Variants in LRP2 observed in about 807,000 individuals in gnomAD.
LRP2 encodes the protein LDL receptor related protein 2.
LRP2 carries 172 observed loss-of-function variants against 531.0 expected under a neutral mutation model. The observed-to-expected ratio is 0.32, with a 90% CI of 0.29 to 0.37. The LOEUF (loss-of-function observed/expected upper bound fraction) is 0.37. Among genes scored for constraint, LRP2 ranks in the 10% least tolerant of loss-of-function variants. The pLI is 1.00. For missense variants in LRP2, 5,167 were observed against 5,868.3 expected (o/e 0.88, Z 3.90); for synonymous variants, 1,992 against 2,027.6 (o/e 0.98, Z 0.47).
rs777516611 is a variant in LRP2, at chr2:169,202,888, T to G, written c.8077A>C (p.Ile2693Leu). Residue 2693 changes from isoleucine to leucine, a missense_variant, in exon 43 of 79, where the codon ATT becomes CTT. Physicochemically the swap from Ile to Leu is conservative, Grantham distance 5. Coordinates refer to ENST00000649046, the MANE Select transcript of LRP2 (RefSeq NM_004525.3). ...CCACATCGTTCACCATTGTCCACAA[T>G]GCAGTGCTTCCTGTTGTTGGCCAAA... The part of the protein sequence containing the change: ...WYLANNRKHC[I>L]VDNGERCGAS... 3 of 1,612,658 alleles carry G rather than the reference T, an allele frequency of 1.9e-6. No homozygotes were observed. The highest frequency in any genetic ancestry group is 1.1e-5 in the South Asian group (1 of 90,990).
chr2:169,136,709 T>C (rs1016171660), intron 76 of LRP2, among the ~76,000 whole-genome samples: 1 of 144,808 alleles, frequency 6.9e-6, no homozygotes, highest in Non-Finnish European at 1.5e-5. Context: ...TACCCAAATC[T>C]TATAAAACGG....
intron 9 of LRP2, among the ~76,000 whole-genome samples, chr2:169,284,954 A>T (rs1321436338): frequency 6.6e-6 from 1 of 152,186 alleles, no homozygotes; most frequent in African/African-American, 2.4e-5. Context: ...GAGAAGTCAT[A>T]ACTAGGAATT....
At chr2:169,144,510 A>G (rs1158195965) in intron 70 of LRP2, among the ~76,000 whole-genome samples, 1 of 152,054 alleles carries the variant, frequency 6.6e-6, no homozygotes, top group Non-Finnish European at 1.5e-5. Context: ...CTCAGGGTCC[A>G]GAGGCGGTAG....
At chr2:169,274,551 A>T (rs1404164294) in intron 14 of LRP2, among the ~76,000 whole-genome samples, 4 of 152,230 alleles carry the variant, frequency 2.6e-5, no homozygotes, top group Non-Finnish European at 4.4e-5. Flanking sequence ...CCTATGACAG[A>T]TTAATCAGAA....
intron 2 of LRP2, among the ~76,000 whole-genome samples, chr2:169,320,342 C>A (rs1375831392): frequency 1.3e-5 from 2 of 152,198 alleles, no homozygotes; most frequent in African/African-American, 4.8e-5. Context: ...GTAATTGACA[C>A]AAGTTATTCT....
chr2:169,275,852 TG>T (rs1288270107), intron 13 of LRP2, among the ~76,000 whole-genome samples: 1 of 151,830 alleles, frequency 6.6e-6, no homozygotes, highest in Non-Finnish European at 1.5e-5. Flanking sequence ...GCCACTTAAC[TG>T]GGAAGAAAAC....
At chr2:169,144,944 G>T (rs1430912356) in intron 70 of LRP2, among the ~76,000 whole-genome samples, 1 of 152,126 alleles carries the variant, frequency 6.6e-6, no homozygotes, top group Admixed American at 6.5e-5. Context: ...GGATAGAATT[G>T]AACCTAAAAA....
chr2:169,294,309 A>T (rs1206585258), intron 5 of LRP2, 48 bp from the exon 6 acceptor site: 5 of 1,082,558 alleles, frequency 4.6e-6, no homozygotes, highest in Non-Finnish European at 7.2e-6. Flanking sequence ...AGTTAACTCC[A>T]TTGTAGCCAT....
chr2:169,139,641 T>C lies in LRP2; in HGVS notation c.13200-31A>G, dbSNP rs774238547. The C allele has an allele frequency of 1.1e-5, 18 of 1,597,954 alleles. No individual in the cohort carries two copies. The South Asian group carries it at 1.7e-4, about 15-fold the overall frequency. On this transcript the variant is annotated intron_variant, in intron 72 of 78. Transcript: ENST00000649046. ...AGGAAAAAGCAAATCATTCACTAGC[T>C]GTTATGTTCTTAGGCTTCTACTGCA...
intron 7 of LRP2, 68 bp downstream of exon 7, chr2:169,292,185 A>G (rs1684015108): frequency 1.7e-6 from 2 of 1,204,060 alleles, no homozygotes; most frequent in South Asian, 1.2e-5. Context: ...AAAGGAAAGG[A>G]GAAAAAACAA....
intron 16 of LRP2, among the ~76,000 whole-genome samples, chr2:169,266,969 C>A (rs62173961): frequency 0.044 from 6,525 of 147,562 alleles, 194 homozygotes; most frequent in South Asian, 0.11. Context: ...CTCACTGCAA[C>A]CTGGATCTCC....
intron 9 of LRP2, among the ~76,000 whole-genome samples, chr2:169,284,181 T>G (rs546605524): frequency 1.3e-5 from 2 of 151,890 alleles, no homozygotes; most frequent in Non-Finnish European, 2.9e-5. Flanking sequence ...CAACCATTCC[T>G]GCTGGGTGGC....
chr2:169,291,081 G>A, intron 7 of LRP2, 84 bp from the exon 8 acceptor site: 2 of 1,241,668 alleles, frequency 1.6e-6, no homozygotes, highest in Non-Finnish European at 2.3e-6. Context: ...AGAGGATGTA[G>A]AGCAAGTTGA....
At chr2:169,340,356 TACTTTA>T (rs2105556795) in intron 1 of LRP2, among the ~76,000 whole-genome samples, 1 of 152,330 alleles carries the variant, frequency 6.6e-6, no homozygotes, top group Admixed American at 6.5e-5. Context: ...AGTCATGGCA[TACTTTA>T]ACATTCATTT....
intron 16 of LRP2, among the ~76,000 whole-genome samples, chr2:169,261,044 G>A (rs183162585): frequency 6.6e-6 from 1 of 152,014 alleles, no homozygotes; most frequent in Non-Finnish European, 1.5e-5. Context: ...GCCACCTGGT[G>A]GGCAGATTGC....
At chr2:169,274,113 T>A (rs1160743524) in intron 14 of LRP2, among the ~76,000 whole-genome samples, 2 of 152,196 alleles carry the variant, frequency 1.3e-5, no homozygotes, top group African/African-American at 4.8e-5. Context: ...TCACTTAACA[T>A]GAGTTTTAGA....
rs145526416 is a variant in LRP2, at chr2:169,347,787, T to C, written c.79+14534A>G. On this transcript the variant is annotated intron_variant, in intron 1 of 78. Transcript: ENST00000649046. ...CTATACTCTGCAGTACCTAGTTACA[T>C]CACGCCTAGAGCATGATAAGGCTGC... 1.4e-3 allele frequency among the ~76,000 whole-genome samples: 214 copies of C among 152,282 alleles called. 3 individuals are homozygous for C. The highest frequency in any genetic ancestry group is 1.8e-3 in the Non-Finnish European group (125 of 68,016).
chr2:169,207,376 A>G (rs1257754314), intron 38 of LRP2, 126 bp from the exon 39 acceptor site: 1 of 714,628 alleles, frequency 1.4e-6, no homozygotes, highest in Non-Finnish European at 2.5e-6. Context: ...GTCTTTTCCA[A>G]GATGATAGTG....
intron 28 of LRP2, 136 bp downstream of exon 28, chr2:169,236,967 C>A: frequency 1.4e-6 from 1 of 724,972 alleles, no homozygotes; most frequent in Non-Finnish European, 2.5e-6. Context: ...CCCAGTTGGA[C>A]ACCTACCATG....
Sources: allele counts gnomAD v4.1 joint callset (sites outside exome capture counted in the v4.1 genomes callset), GRCh38; gene constraint gnomAD v4.1.1; transcripts MANE v1.5; gene names NCBI Gene and HGNC (gene_info 2026-07-23, HGNC 2026-07-21).